ATP13A4: variants seen among roughly 807,000 people sequenced by gnomAD.
The protein encoded by ATP13A4 is probable cation-transporting ATPase 13A4.
ATP13A4 carries 114 observed loss-of-function variants against 142.5 expected under a neutral mutation model. The ratio of observed to expected loss-of-function variants is 0.80; its 90% CI spans 0.69 to 0.93. The LOEUF (loss-of-function observed/expected upper bound fraction) is 0.93, where lower values mean the gene tolerates loss of function less well. Among genes scored for constraint, ATP13A4 ranks in the 40% least tolerant of loss-of-function variants. The pLI is 0.00. For missense variants in ATP13A4, 1,392 were observed against 1,454.0 expected (o/e 0.96, Z 0.69); for synonymous variants, 488 against 514.8 (o/e 0.95, Z 0.70).
rs1233348234 is a variant in ATP13A4, at chr3:193,467,360, T to C, written c.1070A>G (p.Lys357Arg). 1.2e-6 allele frequency: 2 copies of C among 1,614,178 alleles called. No individual in the cohort carries two copies. The highest frequency in any genetic ancestry group is 2.2e-5 in the South Asian group (2 of 91,082). The change falls in exon 10 of 30, where the codon AAG (lysine) becomes AGG (arginine). Residue 357 changes from lysine to arginine, a missense_variant. By Grantham distance (26) the Lys-to-Arg change is conservative. Transcript: ENST00000342695. ...LFCGTEVIQA[K>R]AACSGTVRAV... Reference sequence around the variant, plus strand: ...TCTCACGGTCCCAGAGCAAGCTGCCTTGGCCTGGATAACCTCTGTTCCACA... The same window carrying C: ...TCTCACGGTCCCAGAGCAAGCTGCCCTGGCCTGGATAACCTCTGTTCCACA...
rs12637082 is a variant in ATP13A4 at position 193,475,767 on chromosome 3, A to C, written c.809-4774T>G. Among the ~76,000 whole-genome samples, 235 of 152,236 alleles carry C rather than the reference A, an allele frequency of 1.5e-3. 4 individuals are homozygous for C. In the South Asian group the frequency reaches 0.019, roughly 12 times the overall value. ...TTGCTGGCATAACCAACAGAAAACTATTTTGAGTGACTTTAATGAACAATG... is the reference window on the plus strand; with the variant it reads ...TTGCTGGCATAACCAACAGAAAACTCTTTTGAGTGACTTTAATGAACAATG... On this transcript the variant is annotated intron_variant, in intron 8 of 29. Transcript: ENST00000342695.
intron 3 of ATP13A4, among the ~76,000 whole-genome samples, chr3:193,501,706 G>T (rs1437158926): frequency 6.6e-6 from 1 of 151,606 alleles, no homozygotes; most frequent in African/African-American, 2.4e-5. Context: ...TTAAACAGCT[G>T]ACCACACATA....
chr3:193,493,167 A>G lies in ATP13A4; in HGVS notation c.382-7T>C. 1 of 1,611,364 alleles carries G rather than the reference A, an allele frequency of 6.2e-7. No homozygotes were observed. The highest frequency in any genetic ancestry group is 8.5e-7 in the Non-Finnish European group (1 of 1,178,930). On this transcript the variant is annotated splice_polypyrimidine_tract_variant and splice_region_variant and intron_variant, in intron 3 of 29. Transcript: ENST00000342695. ...GCACTTTGATGCATCTCACCTGCAA[A>G]AGAAAAGTACTAAGAAAACCTCTAG...
intron 1 of ATP13A4, among the ~76,000 whole-genome samples, chr3:193,587,202 C>T (rs1724686201): frequency 1.3e-5 from 2 of 152,204 alleles, no homozygotes; most frequent in Admixed American, 1.3e-4. Context: ...GTATTCTCTT[C>T]ACAATCTGAA....
chr3:193,484,058 G>C, intron 7 of ATP13A4, 53 bp from the exon 8 acceptor site: 1 of 1,461,626 alleles, frequency 6.8e-7, no homozygotes, highest in Non-Finnish European at 9.6e-7. Context: ...ATAGTTTCTA[G>C]GTATTATTAA....
At chr3:193,540,806 CACAA>C (rs1005797737) in intron 1 of ATP13A4, among the ~76,000 whole-genome samples, 4 of 151,852 alleles carry the variant, frequency 2.6e-5, no homozygotes, top group African/African-American at 4.8e-5. Flanking sequence ...AAAGGTGGAA[CACAA>C]ACAAAATAAG....
chr3:193,517,732 C>G (rs1721503491), intron 1 of ATP13A4, among the ~76,000 whole-genome samples: 1 of 152,014 alleles, frequency 6.6e-6, no homozygotes, highest in Admixed American at 6.6e-5. Context: ...ATCTGCCCGC[C>G]TCAGCCTCCC....
intron 2 of ATP13A4, among the ~76,000 whole-genome samples, chr3:193,571,925 T>C (rs1052924832): frequency 9.9e-5 from 15 of 152,196 alleles, no homozygotes; most frequent in African/African-American, 3.6e-4. Flanking sequence ...CTTTAGACTT[T>C]AGTTAATACT....
At chr3:193,496,283 A>T (rs1054093311) in intron 3 of ATP13A4, among the ~76,000 whole-genome samples, 3 of 152,202 alleles carry the variant, frequency 2.0e-5, no homozygotes, top group Admixed American at 2.0e-4. Flanking sequence ...GAGCAAAAAG[A>T]GCAAAGCTAA....
chr3:193,587,978 T>TA (rs200511989), intron 1 of ATP13A4, among the ~76,000 whole-genome samples: 10,234 of 151,068 alleles, frequency 0.068, 397 homozygotes, highest in Non-Finnish European at 0.087. Context: ...TATATATATT[T>TA]AAAAATTAGC....
At chr3:193,466,674 A>AT (rs1299575440) in intron 10 of ATP13A4, among the ~76,000 whole-genome samples, 1 of 152,172 alleles carries the variant, frequency 6.6e-6, no homozygotes, top group African/African-American at 2.4e-5. Context: ...TGGCCATGGT[A>AT]TTTTTTTAAG....
At chr3:193,508,890 A>G (rs1720991382) in intron 2 of ATP13A4, among the ~76,000 whole-genome samples, 1 of 152,206 alleles carries the variant, frequency 6.6e-6, no homozygotes, top group Non-Finnish European at 1.5e-5. Context: ...ATTAAATTAA[A>G]TAACTAAGTC....
At chr3:193,508,787 A>G (rs539791912) in intron 2 of ATP13A4, among the ~76,000 whole-genome samples, 1 of 152,308 alleles carries the variant, frequency 6.6e-6, no homozygotes, top group Admixed American at 6.5e-5. Flanking sequence ...CTCTTTCTCA[A>G]CTGTGACATT....
chr3:193,418,173 C>T (rs1384676137), intron 25 of ATP13A4, among the ~76,000 whole-genome samples: 3 of 114,850 alleles, frequency 2.6e-5, no homozygotes, highest in South Asian at 2.9e-4. Context: ...AAAAATTAGC[C>T]AGGCGAGGTG....
chr3:193,514,927 G>A (rs1721329743), intron 1 of ATP13A4, 56 bp from the exon 2 acceptor site: 1 of 1,572,968 alleles, frequency 6.4e-7, no homozygotes. Flanking sequence ...AACAATAAAT[G>A]AACAAATACT....
chr3:193,487,446 C>T (rs1382401465), intron 7 of ATP13A4, among the ~76,000 whole-genome samples: 2 of 152,118 alleles, frequency 1.3e-5, no homozygotes, highest in Non-Finnish European at 2.9e-5. Flanking sequence ...AAGAAAAACA[C>T]TTATCTACTG....
chr3:193,553,325 A>C (rs1394845440), intron 1 of ATP13A4: 1 of 152,250 alleles, frequency 6.6e-6, no homozygotes, highest in Non-Finnish European at 1.5e-5. Flanking sequence ...TCTTCTGGAA[A>C]ATAAATGATT....
At chr3:193,561,265 T>A (rs1724011165) in intron 2 of ATP13A4, among the ~76,000 whole-genome samples, 1 of 152,186 alleles carries the variant, frequency 6.6e-6, no homozygotes, top group Non-Finnish European at 1.5e-5. Flanking sequence ...GCCCTTGCTG[T>A]GGGCCTGGGA....
At chr3:193,512,060 G>A (rs558534793) in intron 2 of ATP13A4, among the ~76,000 whole-genome samples, 3 of 152,094 alleles carry the variant, frequency 2.0e-5, no homozygotes, top group African/African-American at 7.2e-5. Context: ...AGAGAGCACG[G>A]CTCAGCTGAG....
Sources: allele counts gnomAD v4.1 joint callset (sites outside exome capture counted in the v4.1 genomes callset), GRCh38; gene constraint gnomAD v4.1.1; transcripts MANE v1.5; gene names NCBI Gene and HGNC (gene_info 2026-07-23, HGNC 2026-07-21).